MARCHF1: variants seen among roughly 807,000 people sequenced by gnomAD.
The protein encoded by MARCHF1 is E3 ubiquitin-protein ligase MARCHF1.
In MARCHF1, 40 loss-of-function variants were observed where a neutral mutation model predicts 54.2. That is an observed-to-expected ratio of 0.74 (90% CI 0.57 to 0.96). The LOEUF is 0.96. Ranked by LOEUF, MARCHF1 falls within the 40% of genes least tolerant of loss-of-function variation. MARCHF1 has a pLI of 0.00. For missense variants in MARCHF1, 586 were observed against 656.5 expected, an observed-to-expected ratio of 0.89 and a Z score of 1.17; for synonymous variants, 236 against 236.3, an observed-to-expected ratio of 1.00 and a Z score of 0.01.
chr4:163,929,973 A>ATATATTATATATAAATATAT (rs1751630746), intron 3 of MARCHF1, among the ~76,000 whole-genome samples: 2 of 125,396 alleles, frequency 1.6e-5, no homozygotes, highest in African/African-American at 3.1e-5. Context: ...AATATATATA[A>ATATATTATATATAAATATAT]TATATATAAT....
At chr4:164,144,223 G>A (rs1729600966) in intron 1 of MARCHF1, among the ~76,000 whole-genome samples, 1 of 150,820 alleles carries the variant, frequency 6.6e-6, no homozygotes, top group Admixed American at 6.6e-5. Context: ...TTAATAATGG[G>A]AGACTTTAAC....
At chr4:163,586,859 G>A (rs1740430513) in intron 7 of MARCHF1, among the ~76,000 whole-genome samples, 1 of 152,062 alleles carries the variant, frequency 6.6e-6, no homozygotes, top group African/African-American at 2.4e-5. Context: ...TATAATGAAG[G>A]AATAAAGTTA....
intron 5 of MARCHF1, among the ~76,000 whole-genome samples, chr4:163,649,196 C>A (rs1742875727): frequency 6.6e-6 from 1 of 151,888 alleles, no homozygotes; most frequent in South Asian, 2.1e-4. Context: ...ACTGGATATT[C>A]CATTAAAATG....
chr4:164,231,944 A>G (rs1461513412), intron 1 of MARCHF1, among the ~76,000 whole-genome samples: 1 of 152,138 alleles, frequency 6.6e-6, no homozygotes, highest in Non-Finnish European at 1.5e-5. Flanking sequence ...AATTACCCCT[A>G]GTCATATCAT....
intron 3 of MARCHF1, among the ~76,000 whole-genome samples, chr4:163,972,263 G>A (rs1215946906): frequency 6.6e-6 from 1 of 151,942 alleles, no homozygotes; most frequent in Non-Finnish European, 1.5e-5. Flanking sequence ...CAGGTTGATG[G>A]GTGCAGCAAA....
At chr4:163,859,532 T>G (rs930502186) in intron 3 of MARCHF1, among the ~76,000 whole-genome samples, 6 of 152,082 alleles carry the variant, frequency 3.9e-5, no homozygotes, top group African/African-American at 1.4e-4. Flanking sequence ...GGTAATTTTT[T>G]GGATTTTTAG....
chr4:164,004,428 A>T (rs538263096), intron 2 of MARCHF1, among the ~76,000 whole-genome samples: 14 of 152,312 alleles, frequency 9.2e-5, no homozygotes, highest in African/African-American at 3.1e-4. Flanking sequence ...ACTAATCTAC[A>T]GTTACAGTTT....
In MARCHF1 at chr4:163,668,623, A is replaced by G. The variant is rs952436616; in HGVS notation, c.162+32190T>C. Among the ~76,000 whole-genome samples, 3 of 152,180 alleles carry G rather than the reference A, an allele frequency of 2.0e-5. No homozygotes were observed. In the East Asian group the frequency reaches 5.8e-4, roughly 29 times the overall value. Reference sequence around the variant, plus strand: ...ATTGATGACAGATAAACAGCAGAGCATGTTAATTATTGTTGAATCACAGCA... The same window carrying G: ...ATTGATGACAGATAAACAGCAGAGCGTGTTAATTATTGTTGAATCACAGCA... On this transcript the variant is annotated intron_variant, in intron 5 of 9. Transcript: ENST00000514618.
At chr4:163,979,883 T>G (rs1164145336) in intron 3 of MARCHF1, among the ~76,000 whole-genome samples, 7 of 152,140 alleles carry the variant, frequency 4.6e-5, no homozygotes, top group Admixed American at 2.6e-4. Flanking sequence ...GTTTTTTTCT[T>G]GTAAATTTGG....
intron 1 of MARCHF1, among the ~76,000 whole-genome samples, chr4:164,194,602 A>G (rs979007836): frequency 6.6e-6 from 1 of 152,164 alleles, no homozygotes; most frequent in Non-Finnish European, 1.5e-5. Flanking sequence ...CTGTCATCTT[A>G]TAATAAAATT....
At chr4:163,804,810 G>A (rs187969392) in intron 4 of MARCHF1, among the ~76,000 whole-genome samples, 6 of 152,072 alleles carry the variant, frequency 3.9e-5, no homozygotes, top group African/African-American at 7.2e-5. Flanking sequence ...CATTTTTCAC[G>A]GCATTCCCTT....
intron 3 of MARCHF1, among the ~76,000 whole-genome samples, chr4:163,934,644 A>G (rs183668073): frequency 1.0e-3 from 151 of 149,480 alleles, no homozygotes; most frequent in African/African-American, 3.5e-3. Context: ...ATGAAATTGT[A>G]ACAATTCAGT....
chr4:163,832,079 T>A (rs1252445780), intron 4 of MARCHF1, among the ~76,000 whole-genome samples: 1 of 152,188 alleles, frequency 6.6e-6, no homozygotes, highest in East Asian at 1.9e-4. Context: ...GCTATTACGA[T>A]GAAGGCATGA....
chr4:164,364,854 T>C (rs1244313493), intron 1 of MARCHF1, among the ~76,000 whole-genome samples: 1 of 152,032 alleles, frequency 6.6e-6, no homozygotes. Flanking sequence ...TGTAATTCTA[T>C]AACCTGTAGA....
At chr4:164,178,070 T>G (rs1730738010) in intron 1 of MARCHF1, among the ~76,000 whole-genome samples, 1 of 152,196 alleles carries the variant, frequency 6.6e-6, no homozygotes, top group African/African-American at 2.4e-5. Context: ...ATTTTACACA[T>G]AAGACCTCAG....
chr4:163,711,003 C>T (rs1388812806), intron 4 of MARCHF1, among the ~76,000 whole-genome samples: 1 of 151,940 alleles, frequency 6.6e-6, no homozygotes, highest in Non-Finnish European at 1.5e-5. Context: ...ACTATGTTCA[C>T]ATGAGAACAA....
intron 3 of MARCHF1, among the ~76,000 whole-genome samples, chr4:163,890,858 C>T (rs1579369887): frequency 6.6e-6 from 1 of 152,026 alleles, no homozygotes; most frequent in African/African-American, 2.4e-5. Context: ...AAGTTAGCTT[C>T]AGGGGTAAAA....
At chr4:163,802,823 G>C (rs1748118811) in intron 4 of MARCHF1, among the ~76,000 whole-genome samples, 1 of 152,130 alleles carries the variant, frequency 6.6e-6, no homozygotes, top group Non-Finnish European at 1.5e-5. Context: ...GATCAGTCAA[G>C]GTATCTAGGT....
intron 1 of MARCHF1, among the ~76,000 whole-genome samples, chr4:164,291,478 G>A (rs1734282338): frequency 6.6e-6 from 1 of 151,872 alleles, no homozygotes; most frequent in African/African-American, 2.4e-5. Flanking sequence ...TCATTTATTT[G>A]AACTTTATTC....
Sources: allele counts gnomAD v4.1 joint callset (sites outside exome capture counted in the v4.1 genomes callset), GRCh38; gene constraint gnomAD v4.1.1; transcripts MANE v1.5; gene names NCBI Gene and HGNC (gene_info 2026-07-23, HGNC 2026-07-21).